ACSS3: variants seen among roughly 807,000 people sequenced by gnomAD.
ACSS3 encodes acyl-CoA synthetase short chain family member 3.
In ACSS3, 64 loss-of-function variants were observed where a neutral mutation model predicts 84.2. The ratio of observed to expected loss-of-function variants is 0.76; its 90% CI spans 0.62 to 0.94. ACSS3 has a LOEUF of 0.94. Among genes scored for constraint, ACSS3 ranks in the 40% least tolerant of loss-of-function variants. The pLI is 0.00. For synonymous variants in ACSS3, 317 were observed against 310.1 expected (o/e 1.02, Z -0.23); for missense variants, 815 against 867.6 (o/e 0.94, Z 0.76).
At chr12:81,169,435 G>A (rs1265905503) in intron 7 of ACSS3, among the ~76,000 whole-genome samples, 1 of 152,170 alleles carries the variant, frequency 6.6e-6, no homozygotes, top group Non-Finnish European at 1.5e-5. Context: ...GGGGCATTGA[G>A]AAAGAAAAGG....
chr12:81,253,482 A>T lies in ACSS3; in HGVS notation c.1820-13A>T. 1 of 1,613,412 alleles carries T rather than the reference A, an allele frequency of 6.2e-7. No individual in the cohort carries two copies. The highest frequency in any genetic ancestry group is 8.5e-7 in the Non-Finnish European group (1 of 1,179,488). ...GGTTAATTCAGTGCTTACCATCTGA[A>T]CTTTCTCTCTAGATATAAATGCAAC... On this transcript the variant is annotated splice_polypyrimidine_tract_variant and intron_variant, in intron 14 of 15. Transcript: ENST00000548058.
intron 5 of ACSS3, 56 bp downstream of exon 5, chr12:81,143,303 A>G: frequency 7.1e-7 from 1 of 1,408,636 alleles, no homozygotes. Flanking sequence ...TTGCACCAAG[A>G]ATGTTTGATC....
chr12:81,238,257 A>G (rs996896235), intron 13 of ACSS3, among the ~76,000 whole-genome samples: 3 of 150,518 alleles, frequency 2.0e-5, no homozygotes, highest in Non-Finnish European at 4.5e-5. Flanking sequence ...ATCTATGCTC[A>G]TGATGGCCTC....
intron 8 of ACSS3, among the ~76,000 whole-genome samples, chr12:81,176,737 A>G (rs1190000373): frequency 1.3e-5 from 2 of 152,168 alleles, no homozygotes; most frequent in Admixed American, 1.3e-4. Context: ...AATTCTACCA[A>G]CATAAAGAAG....
intron 2 of ACSS3, chr12:81,125,816 T>A (rs961820543): frequency 6.6e-6 from 1 of 152,208 alleles, no homozygotes; most frequent in Non-Finnish European, 1.5e-5. Context: ...TTTAAACGTG[T>A]CCAATGTGAA....
At chr12:81,083,581 C>T (rs551862518) in intron 1 of ACSS3, among the ~76,000 whole-genome samples, 10 of 151,424 alleles carry the variant, frequency 6.6e-5, no homozygotes, top group South Asian at 2.1e-4. Context: ...AGGCTAGTCT[C>T]GAACTCCTGA....
At chr12:81,093,083 A>G (rs1280910650) in intron 1 of ACSS3, among the ~76,000 whole-genome samples, 1 of 152,024 alleles carries the variant, frequency 6.6e-6, no homozygotes, top group Non-Finnish European at 1.5e-5. Context: ...TTATCAAGGG[A>G]GAGGTTTTAT....
Position 81,174,787 on chromosome 12 carries a change from G to A in ACSS3, c.1099-1G>A, listed in dbSNP as rs754747641. ...GACATTTTAAATGAATCTCATTGTA[G>A]GGGAAGCCTGTGGGAACACCAGATG... On this transcript the variant is annotated splice_acceptor_variant, in intron 7 of 15. Transcript: ENST00000548058. LOFTEE classifies it high-confidence loss of function. 1 of 1,611,652 alleles carries A rather than the reference G, an allele frequency of 6.2e-7. No individual in the cohort carries two copies. The highest frequency in any genetic ancestry group is 8.5e-7 in the Non-Finnish European group (1 of 1,178,498).
intron 8 of ACSS3, among the ~76,000 whole-genome samples, chr12:81,193,341 T>C (rs2031674177): frequency 1.3e-5 from 2 of 152,148 alleles, no homozygotes; most frequent in Admixed American, 6.5e-5. Flanking sequence ...TTTTATTTTT[T>C]ATTTTTTTGC....
chr12:81,190,547 T>G (rs1234797638), intron 8 of ACSS3, among the ~76,000 whole-genome samples: 1 of 152,040 alleles, frequency 6.6e-6, no homozygotes, highest in Non-Finnish European at 1.5e-5. Context: ...CAGAGTCATG[T>G]AGTTTGAGAA....
intron 8 of ACSS3, among the ~76,000 whole-genome samples, chr12:81,194,130 T>C (rs1475122974): frequency 6.6e-6 from 1 of 151,772 alleles, no homozygotes; most frequent in African/African-American, 2.4e-5. Context: ...ACCTGATGCC[T>C]AAGATAACTA....
rs538000292 is a variant in ACSS3 at position 81,230,275 on chromosome 12, A to C, written c.1515-782A>C. Among the ~76,000 whole-genome samples, 4 of 152,006 alleles carry C rather than the reference A, an allele frequency of 2.6e-5. No homozygotes were observed. In the East Asian group the frequency reaches 7.8e-4, roughly 30 times the overall value. On this transcript the variant is annotated intron_variant, in intron 11 of 15. Transcript: ENST00000548058. Reference sequence around the variant, plus strand: ...TGAGTGGTTGTCTTTGTTAGTAGGCACTTCCTACAAGGAACAAATATGAGA... The same window carrying C: ...TGAGTGGTTGTCTTTGTTAGTAGGCCCTTCCTACAAGGAACAAATATGAGA...
intron 3 of ACSS3, among the ~76,000 whole-genome samples, chr12:81,135,680 A>G (rs1406398468): frequency 2.0e-5 from 3 of 151,856 alleles, no homozygotes; most frequent in Non-Finnish European, 2.9e-5. Context: ...CTGGAAACCC[A>G]GAACGGGGAT....
intron 7 of ACSS3, among the ~76,000 whole-genome samples, chr12:81,171,145 C>G (rs1460602240): frequency 6.6e-6 from 1 of 151,992 alleles, no homozygotes; most frequent in Non-Finnish European, 1.5e-5. Flanking sequence ...AAAGCAGGAC[C>G]TTATCCGGCT....
At chr12:81,162,803 G>C (rs946071534) in intron 7 of ACSS3, among the ~76,000 whole-genome samples, 2 of 152,184 alleles carry the variant, frequency 1.3e-5, no homozygotes, top group Non-Finnish European at 2.9e-5. Flanking sequence ...AGAGTTCAGA[G>C]GGGGCCAAGG....
At chr12:81,096,651 G>A (rs541308274) in intron 1 of ACSS3, among the ~76,000 whole-genome samples, 21 of 149,490 alleles carry the variant, frequency 1.4e-4, no homozygotes, top group African/African-American at 4.5e-4. Context: ...GCCCCAGTGC[G>A]TGATGTTCCC....
intron 9 of ACSS3, among the ~76,000 whole-genome samples, chr12:81,209,496 A>G (rs1314112135): frequency 6.6e-6 from 1 of 152,024 alleles, no homozygotes; most frequent in Admixed American, 6.6e-5. Context: ...CTGGTGCTCC[A>G]AGTCTCCAAG....
At chr12:81,195,901 A>G (rs1385933667) in intron 8 of ACSS3, among the ~76,000 whole-genome samples, 1 of 152,148 alleles carries the variant, frequency 6.6e-6, no homozygotes, top group Non-Finnish European at 1.5e-5. Flanking sequence ...GCAGTTGAGA[A>G]ATATACCAGT....
chr12:81,197,683 A>G (rs1197272167), intron 8 of ACSS3, among the ~76,000 whole-genome samples: 1 of 152,174 alleles, frequency 6.6e-6, no homozygotes. Context: ...CCTTCAGAAC[A>G]GACACGTTTT....
Sources: gnomAD v4.1 joint callset for allele counts (sites outside exome capture counted in the v4.1 genomes callset) on GRCh38, gnomAD v4.1.1 for gene constraint, MANE v1.5 for transcripts, NCBI Gene and HGNC (gene_info 2026-07-23, HGNC 2026-07-21) for gene names.